ELP4: variants seen among roughly 807,000 people sequenced by gnomAD.
ELP4 encodes the protein elongator acetyltransferase complex subunit 4, also known as elongator complex protein 4.
A neutral mutation model predicts 48.9 loss-of-function variants in ELP4; 51 were observed. The ratio of observed to expected loss-of-function variants is 1.04; its 90% CI spans 0.83 to 1.32. The LOEUF is 1.32. Among genes scored for constraint, ELP4 ranks in the 40% most tolerant of loss-of-function variants. The probability of loss-of-function intolerance (pLI) is 0.00; values close to 1 mark genes in which losing one functional copy is unlikely to be tolerated. For synonymous variants in ELP4, 210 were observed against 189.2 expected, an observed-to-expected ratio of 1.11 and a Z score of -0.90; for missense variants, 519 against 514.6, an observed-to-expected ratio of 1.01 and a Z score of -0.08.
intron 9 of ELP4, among the ~76,000 whole-genome samples, chr11:31,680,618 A>G (rs1946033487): frequency 6.6e-6 from 1 of 152,186 alleles, no homozygotes; most frequent in South Asian, 2.1e-4. Flanking sequence ...TGTTTCATAC[A>G]TATCATTTGA....
chr11:31,783,153 G>C (rs1321127003), intron 9 of ELP4, among the ~76,000 whole-genome samples: 1 of 152,188 alleles, frequency 6.6e-6, no homozygotes, highest in African/African-American at 2.4e-5. Flanking sequence ...CACTGAAAAT[G>C]TTCCAATAAG....
intron 3 of ELP4, among the ~76,000 whole-genome samples, chr11:31,592,967 AT>A (rs372399030): frequency 2.0e-3 from 306 of 152,264 alleles, no homozygotes; most frequent in African/African-American, 7.0e-3. Flanking sequence ...AAATGTTTTT[AT>A]TATTAAGTTG....
At chr11:31,738,065 T>C (rs1025788876) in intron 9 of ELP4, among the ~76,000 whole-genome samples, 2 of 151,704 alleles carry the variant, frequency 1.3e-5, no homozygotes, top group African/African-American at 4.8e-5. Context: ...ATAAATGTGG[T>C]ATATATGTAT....
At chr11:31,642,974 T>C (rs1945129397) in intron 7 of ELP4, among the ~76,000 whole-genome samples, 2 of 151,774 alleles carry the variant, frequency 1.3e-5, no homozygotes, top group African/African-American at 4.8e-5. Flanking sequence ...TATCCTTGGA[T>C]CCAAGCTTAT....
In ELP4 at chr11:31,787,757, A is replaced by G; in HGVS notation, c.*4233A>G. 8.7e-6 allele frequency: 2 copies of G among 228,926 alleles called. No homozygotes were observed. The highest frequency in any genetic ancestry group is 1.7e-5 in the Non-Finnish European group (2 of 115,274). The allele number at this position is 228,926 out of a possible 1,614,324, so 14.2% of individuals were successfully genotyped here. On this transcript the variant is annotated 3_prime_UTR_variant, in exon 10 of 10. Coordinates refer to ENST00000640961, the MANE Select transcript of ELP4 (RefSeq NM_019040.5). ...GCAGCAACTCTGGTGGAATAAAATT[A>G]TTAGTATATTTCATGCCGGAGCAAT...
intron 9 of ELP4, chr11:31,714,968 C>A: frequency 7.6e-6 from 3 of 396,010 alleles, no homozygotes; most frequent in Non-Finnish European, 1.3e-5. Context: ...TAACACATTA[C>A]AGGTTCCAAA....
chr11:31,668,579 G>A (rs887820780), intron 9 of ELP4, among the ~76,000 whole-genome samples: 2 of 150,828 alleles, frequency 1.3e-5, no homozygotes, highest in Non-Finnish European at 2.9e-5. Flanking sequence ...TCCTGCCTCA[G>A]CCTCCTGAGT....
intron 1 of ELP4, among the ~76,000 whole-genome samples, chr11:31,513,077 G>C (rs988488372): frequency 6.6e-6 from 1 of 151,984 alleles, no homozygotes; most frequent in East Asian, 1.9e-4. Flanking sequence ...GTAAACACTA[G>C]TGGGCTTATT....
intron 4 of ELP4, among the ~76,000 whole-genome samples, chr11:31,597,918 A>G (rs1565072844): frequency 6.6e-6 from 1 of 151,446 alleles, no homozygotes; most frequent in East Asian, 1.9e-4. Flanking sequence ...ATGGTTGTCA[A>G]AAATGCAAGT....
At chr11:31,631,804 A>G (rs986904695) in intron 6 of ELP4, among the ~76,000 whole-genome samples, 1 of 152,192 alleles carries the variant, frequency 6.6e-6, no homozygotes. Context: ...GTAGGATAAA[A>G]TTAAATGAGA....
intron 5 of ELP4, among the ~76,000 whole-genome samples, chr11:31,610,263 TTAAAG>T (rs765382158): frequency 9.2e-5 from 14 of 152,204 alleles, no homozygotes; most frequent in Non-Finnish European, 1.8e-4. Flanking sequence ...AGTGATACAA[TTAAAG>T]TAAAAAGATA....
chr11:31,695,053 T>G (rs1946370460), intron 9 of ELP4, among the ~76,000 whole-genome samples: 1 of 152,198 alleles, frequency 6.6e-6, no homozygotes, highest in Admixed American at 6.6e-5. Context: ...AAGGAGATTT[T>G]GGGCCAAGAC....
chr11:31,560,710 GTTGTTTTATATATATATAAAACAACA>G (rs1262085149), intron 3 of ELP4, among the ~76,000 whole-genome samples: 15 of 141,218 alleles, frequency 1.1e-4, no homozygotes, highest in African/African-American at 3.6e-4. Context: ...ATAAAACAAC[GTTGTTTTATATATATATAAAACAACA>G]TTGTTTTGTA....
intron 9 of ELP4, among the ~76,000 whole-genome samples, chr11:31,680,988 G>A (rs185151983): frequency 1.3e-5 from 2 of 152,202 alleles, no homozygotes; most frequent in African/African-American, 4.8e-5. Context: ...AAGATAAAGT[G>A]TGATCATACC....
chr11:31,515,033 G>GTATATATA lies in ELP4; in HGVS notation c.224-5007_224-5000dup, dbSNP rs10676705. Among the ~76,000 whole-genome samples the GTATATATA allele has an allele frequency of 3.4e-3, 449 of 133,960 alleles. 4 individuals are homozygous for GTATATATA. The highest frequency in any genetic ancestry group is 8.8e-3 in the South Asian group (36 of 4,084). 87.9% of individuals were successfully genotyped at this position (133,960 alleles called of 152,430 possible). ...TGTGTGTGTGTGTGTGTGTGTGTGT[G>GTATATATA]TATATATATATATATATATATATGT... On this transcript the variant is annotated intron_variant, in intron 1 of 9. Coordinates refer to ENST00000640961, the MANE Select transcript of ELP4 (RefSeq NM_019040.5).
intron 9 of ELP4, among the ~76,000 whole-genome samples, chr11:31,721,677 G>A (rs1319794836): frequency 2.0e-5 from 3 of 151,286 alleles, no homozygotes; most frequent in Admixed American, 2.0e-4. Context: ...AGGACCCTGG[G>A]GACATTAATC....
At chr11:31,781,409 G>T (rs960671131) in intron 9 of ELP4, among the ~76,000 whole-genome samples, 3 of 149,816 alleles carry the variant, frequency 2.0e-5, no homozygotes, top group Non-Finnish European at 4.4e-5. Flanking sequence ...TCCTCACGTG[G>T]ACACTGATAG....
At chr11:31,692,886 GT>G (rs1459347466) in intron 9 of ELP4, among the ~76,000 whole-genome samples, 1 of 152,000 alleles carries the variant, frequency 6.6e-6, no homozygotes, top group Admixed American at 6.6e-5. Context: ...GAATACCTCC[GT>G]TTATGCTCTG....
At chr11:31,707,197 A>G in intron 9 of ELP4, 1 of 389,800 alleles carries the variant, frequency 2.6e-6, no homozygotes. Flanking sequence ...TATTCCCACC[A>G]ACAGTGTAAT....
Sources: allele counts gnomAD v4.1 joint callset (sites outside exome capture counted in the v4.1 genomes callset), GRCh38; gene constraint gnomAD v4.1.1; transcripts MANE v1.5; gene names NCBI Gene and HGNC (gene_info 2026-07-23, HGNC 2026-07-21).